Variants in VPS50 observed in about 807,000 individuals in gnomAD.
The protein encoded by VPS50 is VPS50 subunit of EARP/GARPII complex.
Under a neutral mutation model 139.7 loss-of-function variants are expected in VPS50, and 70 were observed. That is an observed-to-expected ratio of 0.50 (90% confidence interval 0.41 to 0.61). The LOEUF (loss-of-function observed/expected upper bound fraction) is 0.61, where lower values mean the gene tolerates loss of function less well. VPS50 is among the 20% of genes least tolerant of loss of function. The probability of loss-of-function intolerance (pLI) is 0.00; values close to 1 mark genes in which losing one functional copy is unlikely to be tolerated. For missense variants in VPS50, 921 were observed against 1,133.7 expected (o/e 0.81, Z 2.69); for synonymous variants, 365 against 376.7 (o/e 0.97, Z 0.36).
At chr7:93,303,092 A>C (rs1384306184) in intron 16 of VPS50, among the ~76,000 whole-genome samples, 4 of 152,080 alleles carry the variant, frequency 2.6e-5, no homozygotes, top group Non-Finnish European at 5.9e-5. Context: ...TATAATCTGT[A>C]AATTTTTTCT....
At chr7:93,265,491 A>G (rs1315934314) in intron 9 of VPS50, among the ~76,000 whole-genome samples, 2 of 152,202 alleles carry the variant, frequency 1.3e-5, no homozygotes, top group Admixed American at 6.5e-5. Flanking sequence ...AATTACAGTT[A>G]ATAAAGTTGG....
chr7:93,304,098 C>G (rs1797052428), intron 17 of VPS50, among the ~76,000 whole-genome samples: 1 of 151,788 alleles, frequency 6.6e-6, no homozygotes, highest in Non-Finnish European at 1.5e-5. Flanking sequence ...ACAGAATAAG[C>G]AGTCTTTGAA....
chr7:93,281,610 G>A (rs1418398409), intron 12 of VPS50, among the ~76,000 whole-genome samples: 6 of 151,962 alleles, frequency 3.9e-5, no homozygotes, highest in African/African-American at 1.5e-4. Context: ...TCTTAAACTG[G>A]TATGTTATTT....
At chr7:93,284,347 A>T (rs1796418580) in intron 12 of VPS50, among the ~76,000 whole-genome samples, 1 of 152,162 alleles carries the variant, frequency 6.6e-6, no homozygotes, top group Non-Finnish European at 1.5e-5. Context: ...TGAAACTTTG[A>T]AAGATAATTA....
intron 4 of VPS50, among the ~76,000 whole-genome samples, chr7:93,254,547 G>T (rs1165260118): frequency 6.6e-6 from 1 of 152,088 alleles, no homozygotes; most frequent in Non-Finnish European, 1.5e-5. Flanking sequence ...AATTAGAGCC[G>T]CAAGCCACTT....
chr7:93,303,034 G>A (rs1797022766), intron 16 of VPS50, among the ~76,000 whole-genome samples: 1 of 151,880 alleles, frequency 6.6e-6, no homozygotes, highest in African/African-American at 2.4e-5. Flanking sequence ...ACTAGGTATG[G>A]TTCAGACCTG....
chr7:93,240,031 C>T, intron 2 of VPS50, 97 bp downstream of exon 2: 1 of 757,142 alleles, frequency 1.3e-6, no homozygotes, highest in Non-Finnish European at 2.3e-6. Context: ...TTCTTTCCCA[C>T]AGGCAGATGG....
At chr7:93,330,747 G>A (rs1211414675) in intron 21 of VPS50, among the ~76,000 whole-genome samples, 2 of 116,190 alleles carry the variant, frequency 1.7e-5, no homozygotes, top group African/African-American at 3.4e-5. Context: ...GGGCAACAGA[G>A]CGAGACCCTG....
At chr7:93,314,820 C>A (rs3802056) in intron 20 of VPS50, among the ~76,000 whole-genome samples, 5,929 of 152,098 alleles carry the variant, frequency 0.039, 190 homozygotes, top group East Asian at 0.15. Context: ...AGATCCACTC[C>A]TTCATTAGGA....
chr7:93,296,353 A>C (rs1219337920), intron 14 of VPS50, among the ~76,000 whole-genome samples: 1 of 152,184 alleles, frequency 6.6e-6, no homozygotes, highest in East Asian at 1.9e-4. Context: ...AAAGAAAGGA[A>C]AATCTTATAG....
At chr7:93,322,443 C>G (rs1339852997) in intron 20 of VPS50, among the ~76,000 whole-genome samples, 1 of 150,480 alleles carries the variant, frequency 6.6e-6, no homozygotes. Context: ...ACTAAAAATA[C>G]AAAAAAATTA....
chr7:93,326,236 G>T lies in VPS50; in HGVS notation c.1977+2504G>T, dbSNP rs1797768524. The stretch of plus-strand genomic sequence containing the variant: ...ACTGCATATTCTCACTCATAGGTGG[G>T]AATTGAACAATGAGAACACATGGAC... On this transcript the variant is annotated intron_variant, in intron 21 of 27. Transcript: ENST00000305866. Among the ~76,000 whole-genome samples, 3 of 138,878 alleles carry T rather than the reference G, an allele frequency of 2.2e-5. No individual in the cohort carries two copies. The South Asian group carries it at 6.8e-4, about 31-fold the overall frequency. 91.1% of individuals were successfully genotyped at this position (138,878 alleles called of 152,430 possible).
At chr7:93,339,118 A>G (rs565552684) in intron 22 of VPS50, among the ~76,000 whole-genome samples, 11 of 152,020 alleles carry the variant, frequency 7.2e-5, no homozygotes, top group South Asian at 4.1e-4. Context: ...AATTTTGTGA[A>G]TTTTTATTCT....
intron 17 of VPS50, among the ~76,000 whole-genome samples, 166 bp downstream of exon 17, chr7:93,303,716 A>C (rs537112479): frequency 2.0e-5 from 3 of 151,976 alleles, no homozygotes; most frequent in African/African-American, 7.2e-5. Flanking sequence ...CTCTTTTTAA[A>C]GGAATGATCC....
intron 21 of VPS50, among the ~76,000 whole-genome samples, chr7:93,331,232 GTT>G (rs769476910): frequency 5.2e-4 from 71 of 135,298 alleles, no homozygotes; most frequent in African/African-American, 1.2e-3. Context: ...CTGTAACAAG[GTT>G]TTTTTTTTTT....
Position 93,308,304 on chromosome 7 carries a change from T to C in VPS50, c.1630-520T>C, listed in dbSNP as rs1797173293. Reference sequence around the variant, plus strand: ...AAATCCACCATTTTTGTCCTCATTCTCAGCAGGTCCCTGTGTTCTAAGCTT... The same window carrying C: ...AAATCCACCATTTTTGTCCTCATTCCCAGCAGGTCCCTGTGTTCTAAGCTT... On this transcript the variant is annotated intron_variant, in intron 18 of 27. Coordinates refer to ENST00000305866, the MANE Select transcript of VPS50 (RefSeq NM_017667.4). 2.0e-5 allele frequency among the ~76,000 whole-genome samples: 3 copies of C among 151,922 alleles called. No individual in the cohort carries two copies. In the Admixed American group the frequency reaches 2.0e-4, roughly 10 times the overall value.
At chr7:93,290,907 C>T (rs1584433907) in intron 12 of VPS50, among the ~76,000 whole-genome samples, 1 of 152,036 alleles carries the variant, frequency 6.6e-6, no homozygotes. Context: ...TTTCTACTAG[C>T]TGTTTATCTT....
At chr7:93,314,753 A>G (rs1203039900) in intron 20 of VPS50, among the ~76,000 whole-genome samples, 3 of 152,174 alleles carry the variant, frequency 2.0e-5, no homozygotes, top group Non-Finnish European at 4.4e-5. Context: ...ATATTTAGGT[A>G]TAATGTGCCT....
At chr7:93,339,889 AT>A (rs981358914) in intron 22 of VPS50, among the ~76,000 whole-genome samples, 2 of 151,840 alleles carry the variant, frequency 1.3e-5, no homozygotes, top group Admixed American at 6.6e-5. Flanking sequence ...CTTTTATTCT[AT>A]TTTTTTTCTT....
Sources: allele counts gnomAD v4.1 joint callset (sites outside exome capture counted in the v4.1 genomes callset), GRCh38; gene constraint gnomAD v4.1.1; transcripts MANE v1.5; gene names NCBI Gene and HGNC (gene_info 2026-07-23, HGNC 2026-07-21).